SCARA3: variants seen among roughly 807,000 people sequenced by gnomAD.
SCARA3 encodes the protein cellular stress response gene protein.
A neutral mutation model predicts 47.0 loss-of-function variants in SCARA3; 39 were observed. The observed-to-expected ratio is 0.83, with a 90% CI of 0.64 to 1.08. The LOEUF is 1.08. Ranked by LOEUF, SCARA3 falls within the 50% of genes least tolerant of loss-of-function variation. The probability of loss-of-function intolerance (pLI) is 0.00; values close to 1 mark genes in which losing one functional copy is unlikely to be tolerated. For synonymous variants in SCARA3, 356 were observed against 334.1 expected, an observed-to-expected ratio of 1.07 and a Z score of -0.71; for missense variants, 724 against 792.3, an observed-to-expected ratio of 0.91 and a Z score of 1.04.
chr8:27,643,222 G>C (rs570494997), intron 1 of SCARA3, among the ~76,000 whole-genome samples: 1 of 152,320 alleles, frequency 6.6e-6, no homozygotes, highest in Non-Finnish European at 1.5e-5. Context: ...GGATAAAGGG[G>C]ATTTAGGATA....
At chr8:27,645,561 G>C (rs1213378288) in intron 1 of SCARA3, among the ~76,000 whole-genome samples, 2 of 152,212 alleles carry the variant, frequency 1.3e-5, no homozygotes. Context: ...GGATATTTAG[G>C]AGCCACTAAC....
downstream of SCARA3, among the ~76,000 whole-genome samples, chr8:27,678,523 G>A (rs564827): frequency 0.059 from 9,014 of 152,168 alleles, 373 homozygotes; most frequent in Middle Eastern, 0.12. Context: ...AACTATGAAA[G>A]CAATGAACTT....
Position 27,672,681 on chromosome 8 carries a change from T to A in SCARA3, c.*1330T>A, listed in dbSNP as rs1300735821. 1.0e-6 allele frequency: 1 copy of A among 985,492 alleles called. No homozygotes were observed. Among genetic ancestry groups the A allele is most frequent in the Non-Finnish European group, 1.2e-6 (1 of 830,126 alleles). The allele number at this position is 985,492 out of a possible 1,614,324, so 61.0% of individuals were successfully genotyped here. On this transcript the variant is annotated 3_prime_UTR_variant, in exon 6 of 6. Coordinates refer to ENST00000301904, the MANE Select transcript of SCARA3 (RefSeq NM_016240.3). ...CATCACTCCTTGGCACCCACCAACT[T>A]CCTGCACACACTGGCAGAGAGGGGC...
downstream of SCARA3, among the ~76,000 whole-genome samples, chr8:27,681,006 C>T (rs989190696): frequency 6.6e-5 from 10 of 152,128 alleles, no homozygotes; most frequent in African/African-American, 2.4e-4. Flanking sequence ...TTAGACAAAA[C>T]CCTTTTAAGA....
chr8:27,690,364 C>T, the SCARA3 span, among the ~76,000 whole-genome samples: 1 of 152,152 alleles, frequency 6.6e-6, no homozygotes, highest in Non-Finnish European at 1.5e-5. Context: ...TTCACGTCTT[C>T]TCTCTCTCAT....
the SCARA3 span, among the ~76,000 whole-genome samples, chr8:27,709,897 C>A: frequency 6.6e-6 from 1 of 152,120 alleles, no homozygotes; most frequent in Admixed American, 6.5e-5. Flanking sequence ...GCCTTAGGAC[C>A]CAGCTGTCAG....
intron 5 of SCARA3, among the ~76,000 whole-genome samples, chr8:27,659,775 A>G (rs946699253): frequency 2.1e-5 from 3 of 141,716 alleles, no homozygotes; most frequent in Non-Finnish European, 4.6e-5. Flanking sequence ...ACTTGAGCCC[A>G]GGAGTTCGAG....
chr8:27,662,944 A>T (rs1320564343), intron 5 of SCARA3, among the ~76,000 whole-genome samples: 1 of 152,194 alleles, frequency 6.6e-6, no homozygotes, highest in African/African-American at 2.4e-5. Flanking sequence ...TGCTGGGGTC[A>T]CCCTTTGGTG....
the SCARA3 span, among the ~76,000 whole-genome samples, chr8:27,705,560 C>A: frequency 4.6e-5 from 7 of 152,254 alleles, no homozygotes; most frequent in Non-Finnish European, 1.0e-4. Context: ...GAGTAATTTA[C>A]TTGGCCCTTC....
the SCARA3 span, among the ~76,000 whole-genome samples, chr8:27,698,777 T>C: frequency 1.3e-5 from 2 of 152,054 alleles, no homozygotes; most frequent in Non-Finnish European, 2.9e-5. Flanking sequence ...AAATATAAAA[T>C]ATATAGGAAT....
chr8:27,670,985 C>A lies in SCARA3; in HGVS notation c.1455C>A (p.Asp485Glu). ...GPVGGRGPKG[D>E]PGSLGPLGPQ... ...TTGGCGGCAGAGGCCCGAAAGGAGA[C>A]CCCGGCAGCTTGGGCCCCCTGGGAC... is the stretch of plus-strand genomic sequence containing the variant. The change falls in exon 6 of 6, where the codon GAC (aspartate) becomes GAA (glutamate). Residue 485 changes from aspartate to glutamate, a missense_variant. By Grantham distance (45) the Asp-to-Glu change is conservative. Transcript: ENST00000301904. 1 of 1,608,222 alleles carries A rather than the reference C, an allele frequency of 6.2e-7. No homozygotes were observed. The highest frequency in any genetic ancestry group is 2.2e-5 in the East Asian group (1 of 44,812).
downstream of SCARA3, among the ~76,000 whole-genome samples, chr8:27,674,782 G>C (rs1802238866): frequency 7.2e-6 from 1 of 139,374 alleles, no homozygotes; most frequent in African/African-American, 2.7e-5. Flanking sequence ...AGGCTGGAGT[G>C]CAGTGGCGTG....
At chr8:27,705,275 T>C in the SCARA3 span, among the ~76,000 whole-genome samples, 1 of 152,240 alleles carries the variant, frequency 6.6e-6, no homozygotes, top group Admixed American at 6.5e-5. Context: ...CCTCCAGGGC[T>C]GGGGTCTCTT....
chr8:27,692,123 A>T, the SCARA3 span, among the ~76,000 whole-genome samples: 1 of 152,180 alleles, frequency 6.6e-6, no homozygotes, highest in Non-Finnish European at 1.5e-5. Flanking sequence ...ATTAACATTA[A>T]AACAGAGATC....
At chr8:27,702,334 C>A in the SCARA3 span, 1 of 152,316 alleles carries the variant, frequency 6.6e-6, no homozygotes, top group Admixed American at 6.5e-5. Context: ...AGTCATCCGA[C>A]CCCAAGTGGC....
At chr8:27,676,495 T>C, downstream of SCARA3, 1 of 1,570,302 alleles carries the variant, frequency 6.4e-7, no homozygotes, top group Non-Finnish European at 8.7e-7. Context: ...AACATAGGTG[T>C]CCAACGAAAT....
At chr8:27,709,638 T>C in the SCARA3 span, among the ~76,000 whole-genome samples, 2 of 152,132 alleles carry the variant, frequency 1.3e-5, no homozygotes, top group Non-Finnish European at 2.9e-5. Context: ...GCAGTGGTGC[T>C]CCTTTGTCCT....
chr8:27,653,629 C>A (rs986320286), intron 3 of SCARA3, among the ~76,000 whole-genome samples: 1 of 140,624 alleles, frequency 7.1e-6, no homozygotes, highest in Non-Finnish European at 1.6e-5. Context: ...TGTGGATAGA[C>A]TGGTCAATGC....
At chr8:27,645,712 G>C (rs1237594771) in intron 1 of SCARA3, among the ~76,000 whole-genome samples, 1 of 152,220 alleles carries the variant, frequency 6.6e-6, no homozygotes, top group African/African-American at 2.4e-5. Flanking sequence ...CTCTAAGTCA[G>C]TTTGCCCTTA....
Sources: allele counts gnomAD v4.1 joint callset (sites outside exome capture counted in the v4.1 genomes callset), GRCh38; gene constraint gnomAD v4.1.1; transcripts MANE v1.5; gene names NCBI Gene and HGNC (gene_info 2026-07-23, HGNC 2026-07-21).